Variants in PGM2 observed in about 807,000 individuals in gnomAD.
PGM2 encodes phosphoglucomutase 2.
Under a neutral mutation model 74.6 loss-of-function variants are expected in PGM2, and 57 were observed. The ratio of observed to expected loss-of-function variants is 0.76; its 90% CI spans 0.62 to 0.95. The LOEUF is 0.95. Ranked by LOEUF, PGM2 falls within the 40% of genes least tolerant of loss-of-function variation. The pLI is 0.00. For missense variants in PGM2, 706 were observed against 741.9 expected, an observed-to-expected ratio of 0.95 and a Z score of 0.56; for synonymous variants, 273 against 260.7, an observed-to-expected ratio of 1.05 and a Z score of -0.46.
In PGM2 at chr4:37,840,146, G is replaced by A. The variant is rs1326092976; in HGVS notation, c.606G>A (p.Pro202=). The A allele has an allele frequency of 5.6e-6, 9 of 1,613,140 alleles. No individual in the cohort carries two copies. The highest frequency in any genetic ancestry group is 4.4e-5 in the South Asian group (4 of 91,052). ...ISQAIEENLE[P]WPQAWDDSLI... Reference sequence around the variant, plus strand: ...AAGCTATTGAAGAAAATCTAGAACCGTGGCCTCAAGCTTGGGACGATTCTT... The same window carrying A: ...AAGCTATTGAAGAAAATCTAGAACCATGGCCTCAAGCTTGGGACGATTCTT... The change falls in exon 6 of 14, where the codon CCG becomes CCA. Residue 202 remains proline (P), a synonymous_variant. Coordinates refer to ENST00000381967, the MANE Select transcript of PGM2 (RefSeq NM_018290.4).
At chr4:37,844,330 C>G in intron 6 of PGM2, 34 bp from the exon 7 acceptor site, 1 of 1,445,716 alleles carries the variant, frequency 6.9e-7, no homozygotes, top group Non-Finnish European at 9.5e-7. Flanking sequence ...CTGTTTCTGC[C>G]TTGTATCATT....
rs1323889229 is a variant in PGM2 at position 37,850,364 on chromosome 4, TAAA to T, written c.1597_1599del (p.Lys533del). The T allele has an allele frequency of 1.3e-6, 2 of 1,525,694 alleles. No individual in the cohort carries two copies. Among genetic ancestry groups the T allele is most frequent in the Non-Finnish European group, 1.8e-6 (2 of 1,142,198 alleles). The allele number at this position is 1,525,694 out of a possible 1,614,324, so 94.5% of individuals were successfully genotyped here. A position where few individuals can be genotyped will look rare whatever the true frequency, so the allele number is the denominator to read the frequency against. On this transcript the variant is annotated inframe_deletion, in exon 12 of 14. Coordinates refer to ENST00000381967, the MANE Select transcript of PGM2 (RefSeq NM_018290.4). The stretch of plus-strand genomic sequence containing the variant: ...CTGGCTATGATGATAGCCAACCTGA[TAAA>T]AAAGCTGTAAGTAATGTCTTCTCTT...
chr4:37,830,242 C>T (rs1725406507), intron 2 of PGM2, 111 bp downstream of exon 2: 1 of 701,874 alleles, frequency 1.4e-6, no homozygotes, highest in Non-Finnish European at 2.2e-6. Flanking sequence ...CTTGGCTAGA[C>T]ACAGGAAGTC....
chr4:37,841,187 T>TGTGTGTGTGTGTGG (rs1725716952), intron 6 of PGM2, among the ~76,000 whole-genome samples: 4 of 129,822 alleles, frequency 3.1e-5, no homozygotes, highest in African/African-American at 1.4e-4. Flanking sequence ...TGTGTGTGTG[T>TGTGTGTGTGTGTGG]GGTTTGTTCT....
intron 13 of PGM2, among the ~76,000 whole-genome samples, chr4:37,858,102 G>C (rs1006117100): frequency 6.6e-6 from 1 of 151,926 alleles, no homozygotes; most frequent in African/African-American, 2.4e-5. Context: ...AATGTTTAAG[G>C]CTTTATGGTA....
chr4:37,861,545 T>G lies in PGM2; in HGVS notation c.1772T>G (p.Leu591Arg), dbSNP rs1711773450. ...CAGCTGAAGAAGGAACTGAATGAAC[T>G]GGTCAGTGCTATTGAAGAACATTTT... ...PEQLKKELNELVSAIEEHFFQ... is the reference protein window; with the variant it reads ...PEQLKKELNERVSAIEEHFFQ... The change falls in exon 14 of 14, where the codon CTG becomes CGG. Residue 591 changes from leucine (L) to arginine (R), a missense_variant. Around this residue, in one of 3 missense-constraint regions of PGM2, gnomAD observed 359 missense variants for 371.1 expected, o/e 0.97. Coordinates refer to ENST00000381967, the MANE Select transcript of PGM2 (RefSeq NM_018290.4). 2 of 1,612,754 alleles carry G rather than the reference T, an allele frequency of 1.2e-6. No individual in the cohort carries two copies. Among genetic ancestry groups the G allele is most frequent in the Non-Finnish European group, 8.5e-7 (1 of 1,179,088 alleles).
At position 37,834,614 on chromosome 4, in the gene PGM2, G is replaced by A. The variant is rs1207545319; in HGVS notation, c.250-4G>A. The A allele has an allele frequency of 6.4e-6, 9 of 1,412,914 alleles. No individual in the cohort carries two copies. In the Admixed American group the frequency reaches 1.6e-4, roughly 25 times the overall value. 87.5% of individuals were successfully genotyped at this position (1,412,914 alleles called of 1,614,324 possible). ...TACTTTTTAAATCTATGGTGTATTT[G>A]TAGGGATTTTGCAGATACCTGGAAA... is the stretch of plus-strand genomic sequence containing the variant. On this transcript the variant is annotated splice_polypyrimidine_tract_variant and splice_region_variant and intron_variant, in intron 2 of 13. Transcript: ENST00000381967.
In PGM2 at chr4:37,847,238, G is replaced by A. The variant is rs1374097411; in HGVS notation, c.1225G>A (p.Ala409Thr). 3 of 1,614,036 alleles carry A rather than the reference G, an allele frequency of 1.9e-6. No homozygotes were observed. Among genetic ancestry groups the A allele is most frequent in the Non-Finnish European group, 2.5e-6 (3 of 1,179,888 alleles). The change falls in exon 10 of 14, where the codon GCC becomes ACC. Residue 409 changes from alanine to threonine, a missense_variant. Around this residue, in one of 3 missense-constraint regions of PGM2, gnomAD observed 359 missense variants for 371.1 expected, o/e 0.97. Coordinates refer to ENST00000381967, the MANE Select transcript of PGM2 (RefSeq NM_018290.4). Reference protein sequence around the residue: ...LTGFKWMGNRAKQLIDQGKTV... With the variant: ...LTGFKWMGNRTKQLIDQGKTV... ...TGGCTTTAAGTGGATGGGAAACAGA[G>A]CCAAACAGCTAATAGACCAGGGGAA...
Position 37,860,094 on chromosome 4 carries a change from A to G in PGM2, c.1737-1416A>G, listed in dbSNP as rs114318025. Among the ~76,000 whole-genome samples the G allele has an allele frequency of 4.6e-3, 704 of 152,308 alleles. 7 individuals are homozygous for G. Among genetic ancestry groups the G allele is most frequent in the African/African-American group, 0.016 (680 of 41,568 alleles). On this transcript the variant is annotated intron_variant, in intron 13 of 13. Transcript: ENST00000381967. The stretch of plus-strand genomic sequence containing the variant: ...TCAAAAACATATCACTGCATACATG[A>G]ATCGTAATGTTCACTCATGTCATGA...
At chr4:37,857,962 T>C (rs1711587566) in intron 13 of PGM2, among the ~76,000 whole-genome samples, 1 of 152,194 alleles carries the variant, frequency 6.6e-6, no homozygotes, top group Admixed American at 6.6e-5. Context: ...TAAAAAGAAA[T>C]GGACAGTCCA....
chr4:37,826,724 A>G lies in PGM2; in HGVS notation c.-9A>G. 3.2e-6 allele frequency: 5 copies of G among 1,548,834 alleles called. No individual in the cohort carries two copies. Among genetic ancestry groups the G allele is most frequent in the Non-Finnish European group, 4.4e-6 (5 of 1,145,188 alleles). On this transcript the variant is annotated 5_prime_UTR_variant, in exon 1 of 14. Transcript: ENST00000381967. ...TGCTTCCCTCTGCAGCGGTAGCACA[A>G]GCTCAGCGATGGCGGCTCCAGAAGG...
intron 1 of PGM2, among the ~76,000 whole-genome samples, chr4:37,829,513 CA>C (rs1725382488): frequency 6.6e-6 from 1 of 152,106 alleles, no homozygotes; most frequent in African/African-American, 2.4e-5. Flanking sequence ...GACATTTAAT[CA>C]CAACTAAATG....
At position 37,849,794 on chromosome 4, in the gene PGM2, T is replaced by C. The variant is rs373829291; in HGVS notation, c.1413-390T>C. ...CATTTATTTTATTATTTATTTTATT[T>C]TATTTTATTTTTTGAGATGGAGTCT... On this transcript the variant is annotated intron_variant, in intron 11 of 13. Transcript: ENST00000381967. Among the ~76,000 whole-genome samples, 5 of 152,042 alleles carry C rather than the reference T, an allele frequency of 3.3e-5. No individual in the cohort carries two copies. In the East Asian group the frequency reaches 7.7e-4, roughly 23 times the overall value.
intron 11 of PGM2, 103 bp from the exon 12 acceptor site, chr4:37,850,081 C>A: frequency 1.5e-6 from 1 of 669,688 alleles, no homozygotes; most frequent in Non-Finnish European, 2.5e-6. Context: ...ACCCACCACA[C>A]CCAGCCATAT....
In PGM2 at chr4:37,846,913, G is replaced by T. The variant is rs934504892; in HGVS notation, c.1008-18G>T. 17 of 1,331,518 alleles carry T rather than the reference G, an allele frequency of 1.3e-5. No individual in the cohort carries two copies. Among genetic ancestry groups the T allele is most frequent in the Non-Finnish European group, 1.7e-5 (17 of 974,182 alleles). 82.5% of individuals were successfully genotyped at this position (1,331,518 alleles called of 1,614,324 possible). On this transcript the variant is annotated intron_variant, in intron 8 of 13. Coordinates refer to ENST00000381967, the MANE Select transcript of PGM2 (RefSeq NM_018290.4). ...ATTATGGAAATGAATGGTGGTTGTT[G>T]TTTTTTTTTTCTTTCAGTGGTGAAT...
rs1711795180 is a variant in PGM2, at chr4:37,862,037, G to GT, written c.*426dup. ...TAGGATAGCCACTTTTTAGGTATAT[G>GT]TACATTTATATTTCTATCAATTCCT... On this transcript the variant is annotated 3_prime_UTR_variant, in exon 14 of 14. Coordinates refer to ENST00000381967, the MANE Select transcript of PGM2 (RefSeq NM_018290.4). 1 of 154,218 alleles carries GT rather than the reference G, an allele frequency of 6.5e-6. No homozygotes were observed. The highest frequency in any genetic ancestry group is 2.0e-4 in the South Asian group (1 of 4,994). The allele number at this position is 154,218 out of a possible 1,614,324, so 9.6% of individuals were successfully genotyped here. A position where few individuals can be genotyped will look rare whatever the true frequency, so the allele number is the denominator to read the frequency against.
At position 37,861,794 on chromosome 4, in the gene PGM2, C is replaced by T. The variant is rs925092130; in HGVS notation, c.*182C>T. The stretch of plus-strand genomic sequence containing the variant: ...AGGTGAAAAAAGAAAATGGCCAAAC[C>T]CAACAAACTAACATTCCTACTAAAA... On this transcript the variant is annotated 3_prime_UTR_variant, in exon 14 of 14. Transcript: ENST00000381967. The T allele has an allele frequency of 5.2e-5, 23 of 439,474 alleles. No individual in the cohort carries two copies. Among genetic ancestry groups the T allele is most frequent in the Non-Finnish European group, 9.5e-5 (23 of 242,204 alleles). The allele number at this position is 439,474 out of a possible 1,614,324, so 27.2% of individuals were successfully genotyped here.
At chr4:37,829,717 A>G (rs1035229062) in intron 1 of PGM2, among the ~76,000 whole-genome samples, 1 of 152,192 alleles carries the variant, frequency 6.6e-6, no homozygotes, top group Non-Finnish European at 1.5e-5. Context: ...TTAGACTCAT[A>G]TGCTAAAATC....
rs758021424 is a variant in PGM2, at chr4:37,848,554, G to A, written c.1315G>A (p.Asp439Asn). The stretch of plus-strand genomic sequence containing the variant: ...GTGCTGCCCTTTTGTTCTGGACAAA[G>A]ATGGAGTCAGTGCCGCTGTCATAAG... ...YMCCPFVLDK[D>N]GVSAAVISAE... Residue 439 changes from aspartate to asparagine, a missense_variant, in exon 11 of 14, where the codon GAT (aspartate) becomes AAT (asparagine). Physicochemically the swap from Asp to Asn is conservative, Grantham distance 23. Around this residue, in one of 3 missense-constraint regions of PGM2, gnomAD observed 359 missense variants for 371.1 expected, o/e 0.97. Transcript: ENST00000381967. The A allele has an allele frequency of 1.9e-6, 3 of 1,613,704 alleles. No homozygotes were observed. The highest frequency in any genetic ancestry group is 3.3e-5 in the Admixed American group (2 of 60,016).
Sources: allele counts gnomAD v4.1 joint callset (sites outside exome capture counted in the v4.1 genomes callset), GRCh38; gene constraint gnomAD v4.1.1; regional missense constraint gnomAD v4.1.1; transcripts MANE v1.5; gene names NCBI Gene and HGNC (gene_info 2026-07-23, HGNC 2026-07-21).